Variants in MEI4 observed in about 807,000 individuals in gnomAD.
The protein encoded by MEI4 is meiosis-specific protein MEI4.
A neutral mutation model predicts 31.4 loss-of-function variants in MEI4; 27 were observed. The observed-to-expected ratio is 0.86, with a 90% CI of 0.63 to 1.19. The LOEUF is 1.19. MEI4 is among the 50% of genes most tolerant of loss of function. MEI4 has a pLI of 0.00. For synonymous variants in MEI4, 122 were observed against 145.4 expected, an observed-to-expected ratio of 0.84 and a Z score of 1.16; for missense variants, 329 against 398.9, an observed-to-expected ratio of 0.82 and a Z score of 1.49.
At position 77,666,230 on chromosome 6, in the gene MEI4, G is replaced by T. The variant is rs571725819; in HGVS notation, c.-15+13138G>T. Among the ~76,000 whole-genome samples, 4 of 152,140 alleles carry T rather than the reference G, an allele frequency of 2.6e-5. No individual in the cohort carries two copies. In the South Asian group the frequency reaches 8.3e-4, roughly 32 times the overall value. The stretch of plus-strand genomic sequence containing the variant: ...TCTCAAGGGTGGGGAGAATTACAAA[G>T]AACCTTCTTAAGGGTGGGGGAGATT... On this transcript the variant is annotated intron_variant, in intron 1 of 4. Transcript: ENST00000684080.
In MEI4 at chr6:77,908,911, T is replaced by C. The variant is rs186434199; in HGVS notation, c.901-14178T>C. On this transcript the variant is annotated intron_variant, in intron 4 of 4. Transcript: ENST00000684080. ...CTCCCACACAGTAATAATGGGAGACTTTAACACCCCACTGTCAACATTAGA... is the reference window on the plus strand; with the variant it reads ...CTCCCACACAGTAATAATGGGAGACCTTAACACCCCACTGTCAACATTAGA... Among the ~76,000 whole-genome samples the C allele has an allele frequency of 9.1e-3, 1,390 of 152,140 alleles. 17 individuals are homozygous for C. Among genetic ancestry groups the C allele is most frequent in the African/African-American group, 0.031 (1,286 of 41,496 alleles).
At chr6:77,897,985 C>G (rs953987116) in intron 4 of MEI4, among the ~76,000 whole-genome samples, 1 of 151,880 alleles carries the variant, frequency 6.6e-6, no homozygotes, top group Non-Finnish European at 1.5e-5. Context: ...ACTTTTAAAC[C>G]AGTATGTGCT....
chr6:77,790,807 T>C (rs1768903066), intron 3 of MEI4, among the ~76,000 whole-genome samples: 1 of 152,110 alleles, frequency 6.6e-6, no homozygotes, highest in African/African-American at 2.4e-5. Context: ...GAAATATCTG[T>C]ACATTATGAA....
chr6:77,774,308 C>A (rs1768386405), intron 3 of MEI4, among the ~76,000 whole-genome samples: 1 of 151,890 alleles, frequency 6.6e-6, no homozygotes, highest in Admixed American at 6.6e-5. Context: ...GGTACATACA[C>A]AGAATGAAGT....
intron 2 of MEI4, among the ~76,000 whole-genome samples, chr6:77,752,566 T>G (rs1767803906): frequency 6.6e-6 from 1 of 152,140 alleles, no homozygotes; most frequent in Admixed American, 6.6e-5. Flanking sequence ...GTGAAGGATC[T>G]CTTCAAGGAG....
At chr6:77,795,497 T>G (rs1769050478) in intron 3 of MEI4, among the ~76,000 whole-genome samples, 1 of 151,910 alleles carries the variant, frequency 6.6e-6, no homozygotes, top group South Asian at 2.1e-4. Context: ...GAAACAAAAC[T>G]AAGAGTCAGT....
intron 4 of MEI4, 58 bp from the exon 5 acceptor site, chr6:77,923,031 C>CATTTTTCTT (rs1485489932): frequency 9.5e-7 from 1 of 1,056,476 alleles, no homozygotes; most frequent in African/African-American, 1.7e-5. Context: ...CTTTATATGA[C>CATTTTTCTT]ATTTTTCTTA....
At position 77,727,658 on chromosome 6, in the gene MEI4, G is replaced by C. The variant is rs144915178; in HGVS notation, c.233-33472G>C. On this transcript the variant is annotated intron_variant, in intron 2 of 4. Coordinates refer to ENST00000684080, the MANE Select transcript of MEI4 (RefSeq NM_001322247.2). ...TAAGGTTTTAGAAAATAAATTATTT[G>C]ATTCTGGTCTTTCACAGTGAAGTTT... 1.4e-4 allele frequency among the ~76,000 whole-genome samples: 21 copies of C among 152,298 alleles called. No individual in the cohort carries two copies. In the East Asian group the frequency reaches 3.3e-3, roughly 24 times the overall value.
chr6:77,864,174 A>G (rs1231388825), intron 4 of MEI4, among the ~76,000 whole-genome samples: 1 of 152,238 alleles, frequency 6.6e-6, no homozygotes, highest in Non-Finnish European at 1.5e-5. Flanking sequence ...TGCATCAACT[A>G]ACAAGCAAAA....
chr6:77,919,040 T>G (rs1766636774), intron 4 of MEI4, among the ~76,000 whole-genome samples: 1 of 151,860 alleles, frequency 6.6e-6, no homozygotes, highest in African/African-American at 2.4e-5. Context: ...CTCCCACACA[T>G]TAATAATGGG....
intron 4 of MEI4, among the ~76,000 whole-genome samples, chr6:77,850,751 A>G (rs1414839873): frequency 6.6e-6 from 1 of 152,224 alleles, no homozygotes; most frequent in Non-Finnish European, 1.5e-5. Flanking sequence ...CTAAAACACC[A>G]AAAGCAATGG....
intron 3 of MEI4, among the ~76,000 whole-genome samples, chr6:77,792,334 G>T (rs751175065): frequency 6.6e-6 from 1 of 152,200 alleles, no homozygotes; most frequent in South Asian, 2.1e-4. Flanking sequence ...TGTCTGGATC[G>T]TATGACAGTT....
rs1335291364 is a variant in MEI4 at position 77,925,029 on chromosome 6, A to T, written c.*1683A>T. On this transcript the variant is annotated 3_prime_UTR_variant, in exon 5 of 5. Transcript: ENST00000684080. Reference sequence around the variant, plus strand: ...TGTGAAGGCTTATGGAAGTCACTTCAGTTGATATAGCATTACACAAAATCC... The same window carrying T: ...TGTGAAGGCTTATGGAAGTCACTTCTGTTGATATAGCATTACACAAAATCC... 2 of 151,912 alleles carry T rather than the reference A, an allele frequency of 1.3e-5. No individual in the cohort carries two copies. Among genetic ancestry groups the T allele is most frequent in the Non-Finnish European group, 2.9e-5 (2 of 67,902 alleles). 9.4% of individuals were successfully genotyped at this position (151,912 alleles called of 1,614,324 possible).
rs184556301 is a variant in MEI4, at chr6:77,839,760, C to G, written c.900+10698C>G. Among the ~76,000 whole-genome samples the G allele has an allele frequency of 7.4e-4, 113 of 152,270 alleles. 1 individual carries two copies. In the Middle Eastern group the frequency reaches 0.027, roughly 37 times the overall value. On this transcript the variant is annotated intron_variant, in intron 4 of 4. Coordinates refer to ENST00000684080, the MANE Select transcript of MEI4 (RefSeq NM_001322247.2). Reference sequence around the variant, plus strand: ...AAAGTTTTATTGGAATACAGCTTTTCTGTAGCTGCTTTTATACTACAAAAA... The same window carrying G: ...AAAGTTTTATTGGAATACAGCTTTTGTGTAGCTGCTTTTATACTACAAAAA...
chr6:77,803,958 C>A (rs1471931204), intron 3 of MEI4, among the ~76,000 whole-genome samples: 2 of 152,182 alleles, frequency 1.3e-5, no homozygotes, highest in Admixed American at 1.3e-4. Flanking sequence ...ATTCTCAGAT[C>A]TCCAGTTGCG....
chr6:77,651,634 GA>G (rs1768302674), upstream of MEI4, among the ~76,000 whole-genome samples: 1 of 152,138 alleles, frequency 6.6e-6, no homozygotes, highest in Non-Finnish European at 1.5e-5. Flanking sequence ...ACTTGACGGG[GA>G]TTTGTGAGTT....
intron 3 of MEI4, among the ~76,000 whole-genome samples, chr6:77,791,639 A>T (rs1181547118): frequency 6.6e-6 from 1 of 150,628 alleles, no homozygotes; most frequent in Admixed American, 6.6e-5. Flanking sequence ...TATGTAACTA[A>T]CCTGCACAAT....
At chr6:77,807,641 A>G (rs1433726356) in intron 3 of MEI4, among the ~76,000 whole-genome samples, 2 of 152,194 alleles carry the variant, frequency 1.3e-5, no homozygotes, top group African/African-American at 2.4e-5. Flanking sequence ...CAATGTTAGT[A>G]TATTTCCTAG....
intron 4 of MEI4, among the ~76,000 whole-genome samples, chr6:77,844,537 T>C (rs1770434635): frequency 6.6e-6 from 1 of 152,166 alleles, no homozygotes; most frequent in East Asian, 1.9e-4. Flanking sequence ...TGCATATCAA[T>C]TCAAAAGTTT....
Sources: gnomAD v4.1 joint callset for allele counts (sites outside exome capture counted in the v4.1 genomes callset) on GRCh38, gnomAD v4.1.1 for gene constraint, MANE v1.5 for transcripts, NCBI Gene and HGNC (gene_info 2026-07-23, HGNC 2026-07-21) for gene names.